NRCAM: variants seen among roughly 807,000 people sequenced by gnomAD.
NRCAM encodes the protein NgCAM-related cell adhesion molecule.
Under a neutral mutation model 156.5 loss-of-function variants are expected in NRCAM, and 83 were observed. The observed-to-expected ratio is 0.53, with a 90% confidence interval of 0.44 to 0.64. The LOEUF is 0.64. NRCAM is among the 30% of genes least tolerant of loss of function. NRCAM has a pLI of 0.00. For synonymous variants in NRCAM, 538 were observed against 563.9 expected, an observed-to-expected ratio of 0.95 and a Z score of 0.65; for missense variants, 1,417 against 1,597.3, an observed-to-expected ratio of 0.89 and a Z score of 1.92.
intron 11 of NRCAM, among the ~76,000 whole-genome samples, chr7:108,220,285 C>A (rs968996677): frequency 6.6e-5 from 10 of 152,068 alleles, no homozygotes; most frequent in African/African-American, 2.4e-4. Context: ...AAGCAATCTA[C>A]AAATTCAATG....
At chr7:108,396,235 T>C (rs1002796893) in intron 2 of NRCAM, among the ~76,000 whole-genome samples, 14 of 152,324 alleles carry the variant, frequency 9.2e-5, no homozygotes, top group African/African-American at 3.1e-4. Flanking sequence ...CTTTGTGTTC[T>C]GCGCATAAAT....
At chr7:108,177,655 A>ACGTG (rs2061327192) in intron 26 of NRCAM, among the ~76,000 whole-genome samples, 1 of 14,934 alleles carries the variant, frequency 6.7e-5, no homozygotes, top group African/African-American at 1.2e-4. Flanking sequence ...ATATATATAT[A>ACGTG]TATATGTATA....
intron 2 of NRCAM, among the ~76,000 whole-genome samples, chr7:108,385,242 G>C (rs1198740611): frequency 6.6e-6 from 1 of 152,104 alleles, no homozygotes; most frequent in Non-Finnish European, 1.5e-5. Context: ...TCCTTAGAGG[G>C]GTAGAGATCA....
chr7:108,351,394 C>A (rs1321248695), intron 2 of NRCAM, among the ~76,000 whole-genome samples: 1 of 152,224 alleles, frequency 6.6e-6, no homozygotes, highest in Non-Finnish European at 1.5e-5. Flanking sequence ...CTCTCTTCAA[C>A]AGCCACAACT....
rs2040226427 is a variant in NRCAM at position 108,149,826 on chromosome 7, ATG to A, written c.*82_*83del. ...AGCAGAAAATATACTCTCTACCCAT[ATG>A]TTCATAGTATGAGAGGGCTGACAAA... is the stretch of plus-strand genomic sequence containing the variant. On this transcript the variant is annotated 3_prime_UTR_variant, in exon 33 of 33. Coordinates refer to ENST00000379028, the MANE Select transcript of NRCAM (RefSeq NM_001037132.4). 9.6e-7 allele frequency: 1 copy of A among 1,040,280 alleles called. No homozygotes were observed. The highest frequency in any genetic ancestry group is 1.6e-5 in the African/African-American group (1 of 62,358). 64.4% of individuals were successfully genotyped at this position (1,040,280 alleles called of 1,614,324 possible).
intron 3 of NRCAM, among the ~76,000 whole-genome samples, chr7:108,254,060 A>G (rs911378199): frequency 1.3e-5 from 2 of 152,246 alleles, no homozygotes; most frequent in African/African-American, 4.8e-5. Flanking sequence ...GGCATAAAAC[A>G]TAAGAGAATA....
intron 2 of NRCAM, among the ~76,000 whole-genome samples, chr7:108,366,968 C>T (rs1458834821): frequency 6.6e-6 from 1 of 152,190 alleles, no homozygotes; most frequent in Non-Finnish European, 1.5e-5. Flanking sequence ...GAGCAACTAA[C>T]TGTATCCAAG....
At chr7:108,354,187 C>T (rs1230061803) in intron 2 of NRCAM, among the ~76,000 whole-genome samples, 2 of 152,046 alleles carry the variant, frequency 1.3e-5, no homozygotes, top group Non-Finnish European at 2.9e-5. Flanking sequence ...ATAGGATTTC[C>T]AAGAAATATA....
At chr7:108,220,337 G>GA (rs968029456) in intron 11 of NRCAM, among the ~76,000 whole-genome samples, 5 of 152,024 alleles carry the variant, frequency 3.3e-5, no homozygotes, top group Non-Finnish European at 7.4e-5. Flanking sequence ...TACAGAATTA[G>GA]AAAAAAACAT....
chr7:108,388,645 C>T (rs971481529), intron 2 of NRCAM, among the ~76,000 whole-genome samples: 9 of 152,172 alleles, frequency 5.9e-5, no homozygotes, highest in African/African-American at 2.2e-4. Context: ...ATGCCTATGT[C>T]CTGAATGGTA....
chr7:108,403,511 A>G (rs1368628470), intron 1 of NRCAM, among the ~76,000 whole-genome samples: 1 of 152,250 alleles, frequency 6.6e-6, no homozygotes, highest in African/African-American at 2.4e-5. Context: ...ATTACTTAAA[A>G]TTAATAATTA....
At position 108,227,337 on chromosome 7, in the gene NRCAM, C is replaced by T. The variant is rs1194393369; in HGVS notation, c.551-959G>A. ...GGATTTTCTTTATCTTTTATGGACA[C>T]ATAATAAACTGTACATATTTGTGGG... On this transcript the variant is annotated intron_variant, in intron 8 of 32. Coordinates refer to ENST00000379028, the MANE Select transcript of NRCAM (RefSeq NM_001037132.4). Among the ~76,000 whole-genome samples the T allele has an allele frequency of 2.6e-5, 4 of 152,146 alleles. No individual in the cohort carries two copies. The East Asian group carries it at 7.7e-4, about 29-fold the overall frequency.
intron 1 of NRCAM, among the ~76,000 whole-genome samples, chr7:108,453,091 C>T (rs1037947902): frequency 3.3e-5 from 5 of 152,182 alleles, no homozygotes; most frequent in African/African-American, 1.2e-4. Context: ...TTCCCAAGGA[C>T]AGATATTCTG....
Position 108,455,401 on chromosome 7 carries a change from G to C in NRCAM, c.-332+842C>G, listed in dbSNP as rs113186350. Among the ~76,000 whole-genome samples the C allele has an allele frequency of 8.9e-3, 1,359 of 152,270 alleles. 13 individuals carry two copies. The highest frequency in any genetic ancestry group is 0.031 in the African/African-American group (1,268 of 41,538). On this transcript the variant is annotated intron_variant, in intron 1 of 32. Transcript: ENST00000379028. The stretch of plus-strand genomic sequence containing the variant: ...GGCTCAACACAGCATCCCGGGCGGA[G>C]CGGATGCCAGATCCCACCGCTAAGA...
chr7:108,181,410 G>C (rs1182401517), intron 24 of NRCAM, among the ~76,000 whole-genome samples: 3 of 151,998 alleles, frequency 2.0e-5, no homozygotes, highest in African/African-American at 7.2e-5. Flanking sequence ...AAGAGTATAT[G>C]GTCTTAAAGT....
intron 3 of NRCAM, among the ~76,000 whole-genome samples, chr7:108,301,711 A>C (rs1324464409): frequency 6.6e-6 from 1 of 152,216 alleles, no homozygotes; most frequent in Non-Finnish European, 1.5e-5. Context: ...TGAATGGAAG[A>C]TGAATGGATA....
chr7:108,215,260 T>C (rs982228959), intron 11 of NRCAM, among the ~76,000 whole-genome samples: 2 of 148,892 alleles, frequency 1.3e-5, no homozygotes, highest in African/African-American at 2.5e-5. Context: ...TCACCCAGGC[T>C]GGAGTGCAGT....
chr7:108,283,498 C>T (rs936232024), intron 3 of NRCAM, among the ~76,000 whole-genome samples: 2 of 152,102 alleles, frequency 1.3e-5, no homozygotes, highest in Non-Finnish European at 2.9e-5. Context: ...GGAAAAGGAG[C>T]AGGAGATGCG....
chr7:108,161,999 A>G (rs1319219765), intron 30 of NRCAM, among the ~76,000 whole-genome samples: 1 of 152,238 alleles, frequency 6.6e-6, no homozygotes, highest in African/African-American at 2.4e-5. Context: ...GATGAGGACA[A>G]TGGTAATAGC....
Sources: allele counts gnomAD v4.1 joint callset (sites outside exome capture counted in the v4.1 genomes callset), GRCh38; gene constraint gnomAD v4.1.1; transcripts MANE v1.5; gene names NCBI Gene and HGNC (gene_info 2026-07-23, HGNC 2026-07-21).